Variants in ICE1 observed in about 807,000 individuals in gnomAD.
ICE1 encodes little elongation complex subunit 1.
Under a neutral mutation model 192.7 loss-of-function variants are expected in ICE1, and 64 were observed. That is an observed-to-expected ratio of 0.33 (90% CI 0.27 to 0.41). ICE1 has a LOEUF of 0.41. ICE1 is among the 10% of genes least tolerant of loss of function. The probability of loss-of-function intolerance (pLI) is 1.00; values close to 1 mark genes in which losing one functional copy is unlikely to be tolerated. For missense variants in ICE1, 2,708 were observed against 2,696.0 expected, an observed-to-expected ratio of 1.00 and a Z score of -0.10; for synonymous variants, 1,010 against 984.5, an observed-to-expected ratio of 1.03 and a Z score of -0.49.
At chr5:5,450,456 C>T (rs763614751) in intron 10 of ICE1, among the ~76,000 whole-genome samples, 3 of 152,044 alleles carry the variant, frequency 2.0e-5, no homozygotes, top group Non-Finnish European at 4.4e-5. Flanking sequence ...TCTCAATATG[C>T]GTCTCCTAGG....
At position 5,460,705 on chromosome 5, in the gene ICE1, C is replaced by T; in HGVS notation, c.1371C>T (p.Ser457=). 2 of 1,613,932 alleles carry T rather than the reference C, an allele frequency of 1.2e-6. No individual in the cohort carries two copies. Among genetic ancestry groups the T allele is most frequent in the Non-Finnish European group, 1.7e-6 (2 of 1,179,890 alleles). ...ATLRESSATH[S]LVGEKHWTTA... ...TGAGAGAATCTTCTGCCACACACTC[C>T]TTAGTTGGTGAAAAACACTGGACCA... Residue 457 remains serine, a synonymous_variant, in exon 13 of 19, where the codon TCC becomes TCT. Transcript: ENST00000296564.
chr5:5,458,129 G>A (rs1738643043), intron 12 of ICE1, among the ~76,000 whole-genome samples: 2 of 152,200 alleles, frequency 1.3e-5, no homozygotes, highest in South Asian at 4.1e-4. Context: ...TTAACCTGGT[G>A]TAGCCGAGTT....
intron 18 of ICE1, among the ~76,000 whole-genome samples, chr5:5,487,191 C>T (rs1739659693): frequency 1.3e-5 from 2 of 152,140 alleles, no homozygotes; most frequent in African/African-American, 4.8e-5. Context: ...GAATGAAATC[C>T]GTGATGTACA....
chr5:5,462,694 C>T lies in ICE1; in HGVS notation c.3360C>T (p.Ser1120=), dbSNP rs376280358. Residue 1120 remains serine, a synonymous_variant, in exon 13 of 19, where the codon AGC becomes AGT. Coordinates refer to ENST00000296564, the MANE Select transcript of ICE1 (RefSeq NM_015325.3). ...AGGCATTTAGCTGCAGTGAGGGGAG[C>T]GAACAGCAAGATGCTCCTGATGACT... ...ESEAFSCSEG[S]EQQDAPDDSQ... The T allele has an allele frequency of 5.3e-4, 856 of 1,613,636 alleles. 1 individual carries two copies. The highest frequency in any genetic ancestry group is 6.9e-4 in the Non-Finnish European group (811 of 1,179,794).
chr5:5,438,490 A>G (rs1308803378), intron 3 of ICE1, among the ~76,000 whole-genome samples: 3 of 152,248 alleles, frequency 2.0e-5, no homozygotes, highest in Admixed American at 6.5e-5. Context: ...TGTTAAAACC[A>G]TCAGTCCATT....
At chr5:5,487,595 A>G (rs139750546) in intron 18 of ICE1, among the ~76,000 whole-genome samples, 487 of 152,294 alleles carry the variant, frequency 3.2e-3, no homozygotes, top group Non-Finnish European at 5.3e-3. Context: ...ACCTTCTTTA[A>G]CTTTAGGATA....
At chr5:5,447,587 A>G in intron 8 of ICE1, 78 bp downstream of exon 8, 1 of 1,370,464 alleles carries the variant, frequency 7.3e-7, no homozygotes, top group Non-Finnish European at 1.0e-6. Flanking sequence ...GTTGTAACTC[A>G]CGTAGGAGTC....
intron 7 of ICE1, among the ~76,000 whole-genome samples, chr5:5,445,712 C>T (rs536122945): frequency 6.6e-6 from 1 of 151,510 alleles, no homozygotes; most frequent in South Asian, 2.1e-4. Flanking sequence ...CTGCACCCAG[C>T]CACATTTTTT....
intron 4 of ICE1, among the ~76,000 whole-genome samples, chr5:5,440,212 G>GT (rs1270407884): frequency 1.3e-5 from 2 of 152,142 alleles, no homozygotes; most frequent in East Asian, 1.9e-4. Flanking sequence ...ATTAACTGTT[G>GT]TTTACATGGT....
In ICE1 at chr5:5,462,603, TG is replaced by T; in HGVS notation, c.3270del (p.Pro1091LeufsTer19). On this transcript the variant is annotated frameshift_variant, in exon 13 of 19. Coordinates refer to ENST00000296564, the MANE Select transcript of ICE1 (RefSeq NM_015325.3). LOFTEE classifies it high-confidence loss of function. Reference sequence around the variant, plus strand: ...ACACAGGATACCTCCCAAAGTAGCCTGCCTGGTACCTTACATTGTTACACAG... The same window carrying T: ...ACACAGGATACCTCCCAAAGTAGCCTCCTGGTACCTTACATTGTTACACAG... ...GETQDTSQSS[L>X]PGTLHCYTGI... is the part of the protein sequence containing the mutation. The T allele has an allele frequency of 6.2e-7, 1 of 1,613,964 alleles. No homozygotes were observed. Among genetic ancestry groups the T allele is most frequent in the Non-Finnish European group, 8.5e-7 (1 of 1,179,870 alleles).
Position 5,460,756 on chromosome 5 carries a change from A to G in ICE1, c.1422A>G (p.Arg474=). 1 of 1,614,040 alleles carries G rather than the reference A, an allele frequency of 6.2e-7. No individual in the cohort carries two copies. The highest frequency in any genetic ancestry group is 2.2e-5 in the East Asian group (1 of 44,892). The change falls in exon 13 of 19, where the codon AGA becomes AGG. Residue 474 remains arginine (R), a synonymous_variant. Transcript: ENST00000296564. ...CAGCATCTCGATCCATGAGTGATAGAAAAAGAGACATTTTACATGAGACAA... is the reference window on the plus strand; with the variant it reads ...CAGCATCTCGATCCATGAGTGATAGGAAAAGAGACATTTTACATGAGACAA... The part of the protein sequence containing the change: ...WTTASRSMSD[R]KRDILHETKT...
intron 17 of ICE1, among the ~76,000 whole-genome samples, chr5:5,477,886 T>C (rs1265664286): frequency 6.6e-6 from 1 of 152,210 alleles, no homozygotes; most frequent in Non-Finnish European, 1.5e-5. Flanking sequence ...AAAAACCACA[T>C]GATTATCTCA....
At chr5:5,450,510 C>T (rs968469193) in intron 10 of ICE1, among the ~76,000 whole-genome samples, 1 of 152,094 alleles carries the variant, frequency 6.6e-6, no homozygotes, top group African/African-American at 2.4e-5. Context: ...AGAAGGTGAT[C>T]AAGACATGAC....
At chr5:5,436,333 C>A in intron 1 of ICE1, 85 bp from the exon 2 acceptor site, 1 of 806,426 alleles carries the variant, frequency 1.2e-6, no homozygotes, top group African/African-American at 1.8e-5. Flanking sequence ...TATTAAAATT[C>A]TTAGATATGA....
rs1579542221 is a variant in ICE1 at position 5,437,055 on chromosome 5, C to G, written c.144-25C>G. The stretch of plus-strand genomic sequence containing the variant: ...TATATTTTCTAAATTAAAAAGTAAC[C>G]TAATTTTTCTTTTCTTTTTTGCAGT... On this transcript the variant is annotated intron_variant, in intron 2 of 18. Transcript: ENST00000296564. 2.2e-6 allele frequency: 3 copies of G among 1,370,974 alleles called. No homozygotes were observed. In the East Asian group the frequency reaches 7.5e-5, roughly 34 times the overall value. 84.9% of individuals were successfully genotyped at this position (1,370,974 alleles called of 1,614,324 possible).
Position 5,461,878 on chromosome 5 carries a change from G to A in ICE1, c.2544G>A (p.Lys848=). ...LRENNNPVEF[K]TTASVLPNQV... is the part of the protein sequence containing the mutation. ...AAAATAACAATCCTGTAGAATTCAAGACCACTGCATCGGTGTTGCCTAATC... is the reference window on the plus strand; with the variant it reads ...AAAATAACAATCCTGTAGAATTCAAAACCACTGCATCGGTGTTGCCTAATC... The change falls in exon 13 of 19, where the codon AAG becomes AAA. Residue 848 remains lysine (K), a synonymous_variant. Transcript: ENST00000296564. 1 of 1,613,894 alleles carries A rather than the reference G, an allele frequency of 6.2e-7. No homozygotes were observed. The highest frequency in any genetic ancestry group is 8.5e-7 in the Non-Finnish European group (1 of 1,179,896).
intron 10 of ICE1, among the ~76,000 whole-genome samples, chr5:5,452,803 A>G (rs1738463603): frequency 1.3e-5 from 2 of 152,188 alleles, no homozygotes; most frequent in Admixed American, 6.5e-5. Flanking sequence ...TGACAAAGCA[A>G]TGAAGTAGAA....
Position 5,462,697 on chromosome 5 carries a change from A to G in ICE1, c.3363A>G (p.Glu1121=), listed in dbSNP as rs755562894. The part of the protein sequence containing the change: ...SEAFSCSEGS[E]QQDAPDDSQK... The stretch of plus-strand genomic sequence containing the variant: ...CATTTAGCTGCAGTGAGGGGAGCGA[A>G]CAGCAAGATGCTCCTGATGACTCAC... The change falls in exon 13 of 19, where the codon GAA becomes GAG. Residue 1121 remains glutamate, a synonymous_variant. Transcript: ENST00000296564. 1 of 1,613,950 alleles carries G rather than the reference A, an allele frequency of 6.2e-7. No individual in the cohort carries two copies. Among genetic ancestry groups the G allele is most frequent in the Non-Finnish European group, 8.5e-7 (1 of 1,179,838 alleles).
chr5:5,469,254 A>C (rs954863330), intron 15 of ICE1, among the ~76,000 whole-genome samples: 2 of 152,240 alleles, frequency 1.3e-5, no homozygotes, highest in African/African-American at 4.8e-5. Context: ...ACCCACGCAT[A>C]GGTGTATATG....
Sources: allele counts gnomAD v4.1 joint callset (sites outside exome capture counted in the v4.1 genomes callset), GRCh38; gene constraint gnomAD v4.1.1; transcripts MANE v1.5; gene names NCBI Gene and HGNC (gene_info 2026-07-23, HGNC 2026-07-21).